The following SEMA6A variants were observed in gnomAD, a reference collection of about 807,000 sequenced individuals.
SEMA6A encodes the protein semaphorin 6A.
In SEMA6A, 25 loss-of-function variants were observed where a neutral mutation model predicts 96.8. The observed-to-expected ratio is 0.26, with a 90% CI of 0.19 to 0.36. SEMA6A has a LOEUF of 0.36. Among genes scored for constraint, SEMA6A ranks in the 10% least tolerant of loss-of-function variants. The pLI is 1.00. For synonymous variants in SEMA6A, 612 were observed against 518.0 expected (o/e 1.18, Z -2.46); for missense variants, 1,363 against 1,323.1 (o/e 1.03, Z -0.47).
chr5:116,524,357 A>G (rs931969598), intron 1 of SEMA6A, among the ~76,000 whole-genome samples: 1 of 152,242 alleles, frequency 6.6e-6, no homozygotes, highest in African/African-American at 2.4e-5. Context: ...ATTTATCATC[A>G]GTAGCTGGTC....
intron 1 of SEMA6A, chr5:116,549,972 G>A (rs1580505392): frequency 6.6e-6 from 1 of 152,048 alleles, no homozygotes; most frequent in East Asian, 1.9e-4. Flanking sequence ...CCTTCTAAAT[G>A]GTCGTCTAAA....
At chr5:116,570,989 T>C (rs2112924835) in intron 1 of SEMA6A, among the ~76,000 whole-genome samples, 2 of 152,342 alleles carry the variant, frequency 1.3e-5, no homozygotes, top group South Asian at 4.1e-4. Context: ...AACTGCTATA[T>C]GTGTTTAATG....
At chr5:116,450,513 T>G (rs917953426) in intron 18 of SEMA6A, among the ~76,000 whole-genome samples, 1 of 152,234 alleles carries the variant, frequency 6.6e-6, no homozygotes, top group African/African-American at 2.4e-5. Flanking sequence ...AGCCTTACTT[T>G]TAGCTCCCAA....
rs371845668 is a variant in SEMA6A at position 116,478,032 on chromosome 5, C to T, written c.1550G>A (p.Arg517Gln). 1.1e-4 allele frequency: 182 copies of T among 1,613,828 alleles called. No individual in the cohort carries two copies. Among genetic ancestry groups the T allele is most frequent in the Non-Finnish European group, 1.4e-4 (168 of 1,179,856 alleles). Residue 517 changes from arginine (R) to glutamine (Q), a missense_variant, in exon 14 of 19, where the codon CGA becomes CAA. By Grantham distance (43) the Arg-to-Gln change is conservative. Coordinates refer to ENST00000343348, the MANE Select transcript of SEMA6A (RefSeq NM_020796.5). ...VIKVPLGRCE[R>Q]HGKCKKTCIA... ...TACATACTTTTTACACTTCCCATGT[C>T]GTTCACACCGGCCAAGGGGAACCTT...
chr5:116,462,963 C>G (rs572051105), intron 18 of SEMA6A, among the ~76,000 whole-genome samples: 1 of 151,888 alleles, frequency 6.6e-6, no homozygotes. Context: ...AAATGTATTT[C>G]AAAGGGAAAC....
chr5:116,489,075 A>T (rs1220330146), intron 7 of SEMA6A, 68 bp from the exon 8 acceptor site: 1 of 1,469,336 alleles, frequency 6.8e-7, no homozygotes. Flanking sequence ...AATAATAAAG[A>T]CATCCCCTAG....
intron 6 of SEMA6A, 102 bp downstream of exon 6, chr5:116,495,311 A>G (rs1035917041): frequency 5.5e-5 from 43 of 782,698 alleles, no homozygotes; most frequent in South Asian, 4.6e-4. Context: ...AGAGGAACTC[A>G]GGTGGTGTTG....
At chr5:116,484,173 G>A (rs968324618) in intron 10 of SEMA6A, among the ~76,000 whole-genome samples, 3 of 151,152 alleles carry the variant, frequency 2.0e-5, no homozygotes, top group South Asian at 2.1e-4. Context: ...ATTCCTTTTC[G>A]GAAAGTAACA....
At chr5:116,562,754 C>T (rs1760870419) in intron 1 of SEMA6A, 9 of 732,906 alleles carry the variant, frequency 1.2e-5, no homozygotes, top group South Asian at 5.4e-5. Flanking sequence ...GAAGGCAGAC[C>T]GAGATGAATC....
intron 1 of SEMA6A, among the ~76,000 whole-genome samples, chr5:116,506,779 G>C (rs545334592): frequency 6.6e-6 from 1 of 152,256 alleles, no homozygotes; most frequent in South Asian, 2.1e-4. Context: ...AGAATTTGCA[G>C]CATATAATGA....
intron 1 of SEMA6A, among the ~76,000 whole-genome samples, chr5:116,553,213 T>C (rs1273184201): frequency 6.6e-6 from 1 of 152,222 alleles, no homozygotes; most frequent in Admixed American, 6.5e-5. Context: ...TATTAACATA[T>C]TCACTTTAAA....
intron 1 of SEMA6A, among the ~76,000 whole-genome samples, chr5:116,513,135 T>C (rs1358370437): frequency 6.6e-6 from 1 of 151,852 alleles, no homozygotes; most frequent in South Asian, 2.1e-4. Flanking sequence ...TATCTTTTTT[T>C]TTTTCCCCCG....
chr5:116,519,446 A>G (rs149408187), intron 1 of SEMA6A, among the ~76,000 whole-genome samples: 3 of 152,290 alleles, frequency 2.0e-5, no homozygotes, highest in Admixed American at 2.0e-4. Flanking sequence ...GTTCAATTAA[A>G]CCCAGAAACA....
rs116706593 is a variant in SEMA6A at position 116,530,058 on chromosome 5, G to A, written c.-38-25076C>T. The stretch of plus-strand genomic sequence containing the variant: ...AACAAAAATTAGGCATTAATTGAAC[G>A]ATTTTATAATCAACATTTCCCTCTT... On this transcript the variant is annotated intron_variant, in intron 1 of 18. Transcript: ENST00000343348. Among the ~76,000 whole-genome samples the A allele has an allele frequency of 4.0e-3, 604 of 152,192 alleles. 2 individuals carry two copies. Among genetic ancestry groups the A allele is most frequent in the African/African-American group, 0.014 (565 of 41,526 alleles).
chr5:116,573,050 G>A (rs1170995821), intron 1 of SEMA6A, among the ~76,000 whole-genome samples: 1 of 152,158 alleles, frequency 6.6e-6, no homozygotes, highest in Admixed American at 6.5e-5. Context: ...TTGCGAGGAG[G>A]GAGGAGACCT....
chr5:116,537,244 A>G (rs1759756665), intron 1 of SEMA6A, among the ~76,000 whole-genome samples: 1 of 152,216 alleles, frequency 6.6e-6, no homozygotes, highest in East Asian at 1.9e-4. Flanking sequence ...CAATCACAGA[A>G]AAGTTAGAAC....
intron 1 of SEMA6A, among the ~76,000 whole-genome samples, chr5:116,518,938 C>A (rs1292540715): frequency 6.6e-6 from 1 of 152,000 alleles, no homozygotes; most frequent in Non-Finnish European, 1.5e-5. Flanking sequence ...GGCAGAATGA[C>A]TTTTTTCTCA....
chr5:116,534,731 G>A (rs991243212), intron 1 of SEMA6A, among the ~76,000 whole-genome samples: 2 of 152,300 alleles, frequency 1.3e-5, no homozygotes, highest in East Asian at 1.9e-4. Context: ...TTTTGTCCCC[G>A]CTAGGCTATG....
At chr5:116,453,083 G>T (rs1754751900) in intron 18 of SEMA6A, among the ~76,000 whole-genome samples, 1 of 152,206 alleles carries the variant, frequency 6.6e-6, no homozygotes, top group African/African-American at 2.4e-5. Context: ...CTGGAGCAGA[G>T]AGAGCAACAA....
Sources: gnomAD v4.1 joint callset for allele counts (sites outside exome capture counted in the v4.1 genomes callset) on GRCh38, gnomAD v4.1.1 for gene constraint, MANE v1.5 for transcripts, NCBI Gene and HGNC (gene_info 2026-07-23, HGNC 2026-07-21) for gene names.